Variants in EXOC6B observed in about 807,000 individuals in gnomAD.
The protein encoded by EXOC6B is exocyst complex component 6B.
A neutral mutation model predicts 113.5 loss-of-function variants in EXOC6B; 54 were observed. The observed-to-expected ratio is 0.48, with a 90% confidence interval of 0.38 to 0.60. EXOC6B has a LOEUF of 0.60. Ranked by LOEUF, EXOC6B falls within the 20% of genes least tolerant of loss-of-function variation. The pLI, the probability that EXOC6B is intolerant of heterozygous loss-of-function variation, is 0.00. For synonymous variants in EXOC6B, 357 were observed against 339.0 expected (o/e 1.05, Z -0.58); for missense variants, 797 against 977.5 (o/e 0.82, Z 2.46).
rs755967310 is a variant in EXOC6B at position 72,498,550 on chromosome 2, A to G, written c.1241T>C (p.Val414Ala). Residue 414 changes from valine (V) to alanine (A), a missense_variant and splice_region_variant, in exon 13 of 22, where the codon GTG (valine) becomes GCG (alanine). Coordinates refer to ENST00000272427, the MANE Select transcript of EXOC6B (RefSeq NM_015189.3). ...LIVLFADTLQVYGFPVNQLFD... is the reference protein window; with the variant it reads ...LIVLFADTLQAYGFPVNQLFD... ...AAGCTGATTTACAGGGAAACCATACACCTGAAACAAAATAAGAAAATCACT... is the reference window on the plus strand; with the variant it reads ...AAGCTGATTTACAGGGAAACCATACGCCTGAAACAAAATAAGAAAATCACT... The G allele has an allele frequency of 1.1e-5, 18 of 1,596,182 alleles. 1 individual carries two copies. In the South Asian group the frequency reaches 1.9e-4, roughly 17 times the overall value.
At chr2:72,338,162 T>C (rs957173509) in intron 19 of EXOC6B, among the ~76,000 whole-genome samples, 3 of 152,182 alleles carry the variant, frequency 2.0e-5, no homozygotes, top group Non-Finnish European at 4.4e-5. Context: ...TTAACCTCTT[T>C]ACACTTCAAT....
chr2:72,507,155 T>C (rs371601063), intron 11 of EXOC6B, among the ~76,000 whole-genome samples: 16 of 152,230 alleles, frequency 1.1e-4, no homozygotes, highest in African/African-American at 3.1e-4. Context: ...TATATAATGC[T>C]AGAAAATATA....
chr2:72,191,419 T>C (rs1351797586), intron 20 of EXOC6B, among the ~76,000 whole-genome samples: 1 of 152,214 alleles, frequency 6.6e-6, no homozygotes, highest in African/African-American at 2.4e-5. Context: ...AGCAACTTGC[T>C]AAAAATCACA....
intron 1 of EXOC6B, among the ~76,000 whole-genome samples, chr2:72,808,939 G>T (rs931008480): frequency 6.6e-6 from 1 of 151,966 alleles, no homozygotes; most frequent in Non-Finnish European, 1.5e-5. Context: ...AGCTGGGTGT[G>T]GTATAGTCAC....
At chr2:72,658,282 C>A (rs1674738317) in intron 6 of EXOC6B, among the ~76,000 whole-genome samples, 16 of 6,610 alleles carry the variant, frequency 2.4e-3, no homozygotes, top group South Asian at 0.011. Context: ...AAACTAAAAA[C>A]TAGTAAAAAA....
At chr2:72,745,350 C>T (rs973950684) in intron 1 of EXOC6B, among the ~76,000 whole-genome samples, 2 of 152,094 alleles carry the variant, frequency 1.3e-5, no homozygotes, top group Non-Finnish European at 2.9e-5. Flanking sequence ...TACTCTCCAT[C>T]TGTTACTCCT....
intron 18 of EXOC6B, among the ~76,000 whole-genome samples, chr2:72,401,340 T>C (rs1693143840): frequency 1.3e-5 from 2 of 148,836 alleles, no homozygotes; most frequent in Non-Finnish European, 3.0e-5. Context: ...TGGGCACTTG[T>C]AATCCCAGCT....
At chr2:72,602,331 T>C (rs1269247617) in intron 6 of EXOC6B, among the ~76,000 whole-genome samples, 1 of 152,214 alleles carries the variant, frequency 6.6e-6, no homozygotes, top group Non-Finnish European at 1.5e-5. Flanking sequence ...TCAGTAGCCA[T>C]AATGTTTTTC....
intron 1 of EXOC6B, among the ~76,000 whole-genome samples, chr2:72,782,680 A>T (rs1684128590): frequency 1.3e-5 from 2 of 151,778 alleles, no homozygotes; most frequent in Non-Finnish European, 2.9e-5. Flanking sequence ...ATTCCCTCCC[A>T]CACACCCACC....
chr2:72,665,559 GA>G (rs1352050668), intron 6 of EXOC6B, among the ~76,000 whole-genome samples: 4 of 152,066 alleles, frequency 2.6e-5, no homozygotes, highest in African/African-American at 4.8e-5. Context: ...TGTCCTTAAA[GA>G]AAAGAAATTC....
At chr2:72,819,188 T>C (rs1479366003) in intron 1 of EXOC6B, among the ~76,000 whole-genome samples, 1 of 152,046 alleles carries the variant, frequency 6.6e-6, no homozygotes, top group Non-Finnish European at 1.5e-5. Context: ...ATATAACATG[T>C]TAACTGAAAA....
intron 1 of EXOC6B, among the ~76,000 whole-genome samples, chr2:72,786,036 C>A: frequency 6.6e-6 from 1 of 151,764 alleles, no homozygotes. Flanking sequence ...TCAGCCTGGG[C>A]AAGACAGCAA....
chr2:72,602,671 C>A (rs992871417), intron 6 of EXOC6B, among the ~76,000 whole-genome samples: 2 of 152,152 alleles, frequency 1.3e-5, no homozygotes, highest in Non-Finnish European at 2.9e-5. Context: ...TACATACATA[C>A]AATTCCTGTT....
intron 1 of EXOC6B, among the ~76,000 whole-genome samples, chr2:72,783,136 G>A (rs796305096): frequency 1.3e-5 from 2 of 150,894 alleles, no homozygotes; most frequent in African/African-American, 4.9e-5. Context: ...CCAAGAAAGT[G>A]TATAAAAGCT....
intron 8 of EXOC6B, among the ~76,000 whole-genome samples, chr2:72,536,812 G>A (rs186202467): frequency 6.6e-6 from 1 of 152,260 alleles, no homozygotes; most frequent in Non-Finnish European, 1.5e-5. Flanking sequence ...AGTCTCCCAA[G>A]TCACTACAAA....
chr2:72,190,446 A>C (rs1328908189), intron 20 of EXOC6B, among the ~76,000 whole-genome samples: 2 of 151,950 alleles, frequency 1.3e-5, no homozygotes, highest in African/African-American at 4.8e-5. Context: ...TTCATTATTA[A>C]TTTTGGGGTA....
At chr2:72,466,980 G>A (rs1391652525) in intron 17 of EXOC6B, among the ~76,000 whole-genome samples, 2 of 151,872 alleles carry the variant, frequency 1.3e-5, no homozygotes, top group Non-Finnish European at 2.9e-5. Context: ...TCTATCCTTT[G>A]ACCAAAAACT....
intron 18 of EXOC6B, among the ~76,000 whole-genome samples, chr2:72,414,630 T>C (rs1271268910): frequency 6.6e-6 from 1 of 152,174 alleles, no homozygotes; most frequent in Non-Finnish European, 1.5e-5. Flanking sequence ...AGCTAAACTT[T>C]AGAAATTAAT....
At chr2:72,492,839 TATG>T (rs1699823661) in intron 15 of EXOC6B, among the ~76,000 whole-genome samples, 1 of 152,128 alleles carries the variant, frequency 6.6e-6, no homozygotes, top group Non-Finnish European at 1.5e-5. Flanking sequence ...CCAGTTTGAA[TATG>T]ATGTCTTTAA....
Sources: allele counts gnomAD v4.1 joint callset (sites outside exome capture counted in the v4.1 genomes callset), GRCh38; gene constraint gnomAD v4.1.1; transcripts MANE v1.5; gene names NCBI Gene and HGNC (gene_info 2026-07-23, HGNC 2026-07-21).